IQGAP2: variants seen among roughly 807,000 people sequenced by gnomAD.
The protein encoded by IQGAP2 is IQ motif containing GTPase activating protein 2.
A neutral mutation model predicts 201.3 loss-of-function variants in IQGAP2; 173 were observed. The observed-to-expected ratio is 0.86, with a 90% CI of 0.76 to 0.98. The LOEUF (loss-of-function observed/expected upper bound fraction) is 0.98, where lower values mean the gene tolerates loss of function less well. Ranked by LOEUF, IQGAP2 falls within the 50% of genes least tolerant of loss-of-function variation. The pLI is 0.00. For synonymous variants in IQGAP2, 675 were observed against 673.9 expected (o/e 1.00, Z -0.03); for missense variants, 1,687 against 1,864.8 (o/e 0.90, Z 1.76).
chr5:76,596,918 G>A (rs575468068), intron 9 of IQGAP2, among the ~76,000 whole-genome samples: 1 of 152,324 alleles, frequency 6.6e-6, no homozygotes, highest in East Asian at 1.9e-4. Flanking sequence ...CTTGCTGTAG[G>A]CTTACCGCAG....
intron 1 of IQGAP2, among the ~76,000 whole-genome samples, chr5:76,427,422 A>C (rs1281098671): frequency 6.6e-6 from 1 of 152,190 alleles, no homozygotes; most frequent in Admixed American, 6.5e-5. Context: ...TGGCTTTGAA[A>C]TAAAGTGAGC....
chr5:76,626,807 T>C lies in IQGAP2; in HGVS notation c.1522-603T>C, dbSNP rs536760478. ...GACTAGGGTAGCCCGGGAAGACTTT[T>C]TGGAGTAGGTAGCATTTGAGTTGAG... is the stretch of plus-strand genomic sequence containing the variant. On this transcript the variant is annotated intron_variant, in intron 13 of 35. Coordinates refer to ENST00000274364, the MANE Select transcript of IQGAP2 (RefSeq NM_006633.5). Among the ~76,000 whole-genome samples, 9 of 152,204 alleles carry C rather than the reference T, an allele frequency of 5.9e-5. No homozygotes were observed. In the South Asian group the frequency reaches 1.9e-3, roughly 32 times the overall value.
At chr5:76,544,788 A>ATTGGGG (rs1742994381) in intron 2 of IQGAP2, among the ~76,000 whole-genome samples, 1 of 152,204 alleles carries the variant, frequency 6.6e-6, no homozygotes, top group Non-Finnish European at 1.5e-5. Flanking sequence ...TCCCCTTCCC[A>ATTGGGG]AAGGTAAACA....
At position 76,564,679 on chromosome 5, in the gene IQGAP2, G is replaced by A. The variant is rs540276669; in HGVS notation, c.303+2127G>A. ...ACTTCTCTTTAGGATGGGGACAGGG[G>A]AAATAATATTCGCAATTTCTGGTTA... On this transcript the variant is annotated intron_variant, in intron 3 of 35. Transcript: ENST00000274364. Among the ~76,000 whole-genome samples the A allele has an allele frequency of 5.3e-5, 8 of 152,342 alleles. No individual in the cohort carries two copies. In the South Asian group the frequency reaches 1.7e-3, roughly 32 times the overall value.
intron 4 of IQGAP2, among the ~76,000 whole-genome samples, chr5:76,572,089 C>G (rs1360055814): frequency 6.6e-6 from 1 of 152,112 alleles, no homozygotes; most frequent in Admixed American, 6.5e-5. Context: ...ATTTTGAGCA[C>G]AATATATAAG....
At chr5:76,662,182 C>T (rs1743311593) in intron 21 of IQGAP2, among the ~76,000 whole-genome samples, 2 of 152,228 alleles carry the variant, frequency 1.3e-5, no homozygotes, top group South Asian at 4.1e-4. Context: ...GGAAGAGGGG[C>T]TATCCCCATT....
intron 14 of IQGAP2, 136 bp downstream of exon 14, chr5:76,627,636 A>G (rs1176292773): frequency 2.4e-5 from 14 of 593,600 alleles, no homozygotes; most frequent in Non-Finnish European, 4.3e-5. Flanking sequence ...ATTATACCGA[A>G]ATTAGTTGGT....
chr5:76,549,976 C>T (rs1743338411), intron 2 of IQGAP2, among the ~76,000 whole-genome samples: 1 of 152,204 alleles, frequency 6.6e-6, no homozygotes, highest in Non-Finnish European at 1.5e-5. Flanking sequence ...CAGCAAAATA[C>T]ATTCACCTGC....
intron 1 of IQGAP2, among the ~76,000 whole-genome samples, chr5:76,441,923 C>G (rs140129796): frequency 6.6e-6 from 1 of 152,084 alleles, no homozygotes; most frequent in Non-Finnish European, 1.5e-5. Flanking sequence ...CAGCTTTTCT[C>G]GTATTAATGC....
At chr5:76,558,869 T>TC (rs1744127357) in intron 2 of IQGAP2, among the ~76,000 whole-genome samples, 1 of 151,970 alleles carries the variant, frequency 6.6e-6, no homozygotes, top group Non-Finnish European at 1.5e-5. Context: ...ACCCAGTGCC[T>TC]CTCCCTGGCT....
chr5:76,549,250 TCA>T (rs1743286794), intron 2 of IQGAP2, among the ~76,000 whole-genome samples: 1 of 151,424 alleles, frequency 6.6e-6, no homozygotes, highest in African/African-American at 2.5e-5. Context: ...TCAGATTAAT[TCA>T]GTTACCCAAG....
intron 9 of IQGAP2, among the ~76,000 whole-genome samples, chr5:76,595,358 G>A (rs1294952058): frequency 6.8e-6 from 1 of 146,424 alleles, no homozygotes; most frequent in Non-Finnish European, 1.5e-5. Flanking sequence ...CAAAATGCTA[G>A]GATTACAGAC....
intron 1 of IQGAP2, among the ~76,000 whole-genome samples, chr5:76,437,937 C>T (rs975048198): frequency 1.4e-5 from 2 of 147,554 alleles, no homozygotes; most frequent in African/African-American, 5.0e-5. Context: ...TTTGATGTGC[C>T]GTTGGATTTG....
intron 10 of IQGAP2, among the ~76,000 whole-genome samples, chr5:76,598,109 G>A (rs1194844283): frequency 6.6e-6 from 1 of 152,124 alleles, no homozygotes; most frequent in Admixed American, 6.5e-5. Context: ...TAACACTCTT[G>A]TAAGCCAAAC....
intron 2 of IQGAP2, among the ~76,000 whole-genome samples, chr5:76,516,430 A>G (rs1364023276): frequency 6.6e-6 from 1 of 152,192 alleles, no homozygotes; most frequent in Non-Finnish European, 1.5e-5. Flanking sequence ...CTATAACAAA[A>G]CTTAAGTCAA....
intron 2 of IQGAP2, among the ~76,000 whole-genome samples, chr5:76,560,177 G>A (rs1436837279): frequency 6.6e-6 from 1 of 152,174 alleles, no homozygotes; most frequent in Non-Finnish European, 1.5e-5. Flanking sequence ...TTTAGAGACA[G>A]AGTCTTGCAC....
intron 2 of IQGAP2, among the ~76,000 whole-genome samples, chr5:76,526,351 C>T (rs927099494): frequency 6.6e-6 from 1 of 152,158 alleles, no homozygotes; most frequent in African/African-American, 2.4e-5. Flanking sequence ...TAGGGGCAGA[C>T]TTTATGCTAG....
chr5:76,422,093 T>C (rs1027377991), intron 1 of IQGAP2, among the ~76,000 whole-genome samples: 2 of 152,216 alleles, frequency 1.3e-5, no homozygotes, highest in African/African-American at 2.4e-5. Context: ...CAGAAACTGA[T>C]ATTTTTAAAT....
intron 19 of IQGAP2, 119 bp downstream of exon 19, chr5:76,654,390 T>C (rs544400139): frequency 2.3e-5 from 15 of 643,206 alleles, no homozygotes; most frequent in Admixed American, 1.8e-4. Flanking sequence ...TAAGAAATAA[T>C]GGATCTTAGA....
Sources: gnomAD v4.1 joint callset for allele counts (sites outside exome capture counted in the v4.1 genomes callset) on GRCh38, gnomAD v4.1.1 for gene constraint, MANE v1.5 for transcripts, NCBI Gene and HGNC (gene_info 2026-07-23, HGNC 2026-07-21) for gene names.